TDRD6: variants seen among roughly 807,000 people sequenced by gnomAD.
TDRD6 encodes the protein tudor domain containing 6, also known as tudor domain-containing protein 6.
A neutral mutation model predicts 157.5 loss-of-function variants in TDRD6; 186 were observed. The observed-to-expected ratio is 1.18, with a 90% CI of 1.05 to 1.33. TDRD6 has a LOEUF of 1.33. Ranked by LOEUF, TDRD6 falls within the 40% of genes most tolerant of loss-of-function variation. The pLI, the probability that TDRD6 is intolerant of heterozygous loss-of-function variation, is 0.00. For missense variants in TDRD6, 3,066 were observed against 2,508.0 expected, an observed-to-expected ratio of 1.22 and a Z score of -4.75; for synonymous variants, 1,075 against 945.2, an observed-to-expected ratio of 1.14 and a Z score of -2.52.
chr6:46,689,183 A>AGTT lies in TDRD6; in HGVS notation c.1056_1058dup (p.Leu353dup). 1 of 1,614,078 alleles carries AGTT rather than the reference A, an allele frequency of 6.2e-7. No individual in the cohort carries two copies. The highest frequency in any genetic ancestry group is 2.2e-5 in the East Asian group (1 of 44,874). On this transcript the variant is annotated inframe_insertion, in exon 1 of 4. Transcript: ENST00000316081. The stretch of plus-strand genomic sequence containing the variant: ...CTTCATGTGGACTATGGAAGGAAGG[A>AGTT]GTTAGTGAGTTGCAGCAGCCTTCGG...
rs1562050830 is a variant in TDRD6 at position 46,687,940 on chromosome 6, G to T, written c.-189G>T. 1 of 892,466 alleles carries T rather than the reference G, an allele frequency of 1.1e-6. No homozygotes were observed. The highest frequency in any genetic ancestry group is 1.6e-6 in the Non-Finnish European group (1 of 635,694). 55.3% of individuals were successfully genotyped at this position (892,466 alleles called of 1,614,324 possible). Reference sequence around the variant, plus strand: ...AGGGGCTACCGGGTCTTACCAGTCCGTGGCGGGAGTCCCGGAGGACCCTCG... The same window carrying T: ...AGGGGCTACCGGGTCTTACCAGTCCTTGGCGGGAGTCCCGGAGGACCCTCG... On this transcript the variant is annotated 5_prime_UTR_variant, in exon 1 of 4. Coordinates refer to ENST00000316081, the MANE Select transcript of TDRD6 (RefSeq NM_001010870.3).
At chr6:46,686,531 C>T (rs1467130636), upstream of TDRD6, among the ~76,000 whole-genome samples, 1 of 148,642 alleles carries the variant, frequency 6.7e-6, no homozygotes, top group Admixed American at 6.7e-5. Flanking sequence ...AGTAGGGTCA[C>T]GAGGAAACGA....
chr6:46,693,001 C>T lies in TDRD6; in HGVS notation c.4873C>T (p.Leu1625=). The change falls in exon 1 of 4, where the codon CTG becomes TTG. Residue 1625 remains leucine (L), a synonymous_variant. Coordinates refer to ENST00000316081, the MANE Select transcript of TDRD6 (RefSeq NM_001010870.3). ...ACTCTGGGCCATTCCTTCTGAACTTCTGTCGGTTCCCATGCAAGCCTTTCC... is the reference window on the plus strand; with the variant it reads ...ACTCTGGGCCATTCCTTCTGAACTTTTGTCGGTTCCCATGCAAGCCTTTCC... ...KALWAIPSEL[L]SVPMQAFPCC... is the part of the protein sequence containing the mutation. 4 of 1,612,546 alleles carry T rather than the reference C, an allele frequency of 2.5e-6. No homozygotes were observed. In the South Asian group the frequency reaches 3.3e-5, roughly 13 times the overall value.
chr6:46,689,083 T>A lies in TDRD6; in HGVS notation c.955T>A (p.Ser319Thr). The change falls in exon 1 of 4, where the codon TCC becomes ACC. Residue 319 changes from serine (S) to threonine (T), a missense_variant. By Grantham distance (58) the Ser-to-Thr change is moderately conservative (BLOSUM62 1). Coordinates refer to ENST00000316081, the MANE Select transcript of TDRD6 (RefSeq NM_001010870.3). The stretch of plus-strand genomic sequence containing the variant: ...AGATAAGCCGGGCTCTCCGTGTGCA[T>A]CCTGTGGCCTGGATGGACATTGGTA... ...SPDKPGSPCA[S>T]CGLDGHWYRA... The A allele has an allele frequency of 6.2e-7, 1 of 1,614,178 alleles. No individual in the cohort carries two copies. The highest frequency in any genetic ancestry group is 1.1e-5 in the South Asian group (1 of 91,084).
chr6:46,685,181 AC>A (rs1764062438), upstream of TDRD6, among the ~76,000 whole-genome samples: 1 of 152,144 alleles, frequency 6.6e-6, no homozygotes, highest in African/African-American at 2.4e-5. Context: ...TATTATAGAT[AC>A]AAGTCCTATG....
At position 46,689,162 on chromosome 6, in the gene TDRD6, A is replaced by G. The variant is rs779212629; in HGVS notation, c.1034A>G (p.His345Arg). 5 of 1,614,164 alleles carry G rather than the reference A, an allele frequency of 3.1e-6. No homozygotes were observed. The highest frequency in any genetic ancestry group is 4.2e-6 in the Non-Finnish European group (5 of 1,180,032). The change falls in exon 1 of 4, where the codon CAT becomes CGT. Residue 345 changes from histidine (H) to arginine (R), a missense_variant. Transcript: ENST00000316081. ...FRPQRCAQVL[H>R]VDYGRKELVS... ...CCCCAGCGCTGTGCCCAGGTGCTTC[A>G]TGTGGACTATGGAAGGAAGGAGTTA...
Position 46,694,009 on chromosome 6 carries a change from G to T in TDRD6, c.5881G>T (p.Gly1961Ter). 3.1e-6 allele frequency: 5 copies of T among 1,613,924 alleles called. No homozygotes were observed. The highest frequency in any genetic ancestry group is 4.2e-6 in the Non-Finnish European group (5 of 1,179,982). ...GCGCAGGATGTCATTGCATCTACAT[G>T]GAGCAGATTGTGATCCTAAAACACA... ...DQRRMSLHLH[G>*]ADCDPKTQNE... Residue 1961 changes from glycine to a stop codon, truncating the protein, a stop_gained, in exon 1 of 4, where the codon GGA becomes TGA. Coordinates refer to ENST00000316081, the MANE Select transcript of TDRD6 (RefSeq NM_001010870.3). LOFTEE classifies it high-confidence loss of function.
rs1764693776 is a variant in TDRD6 at position 46,704,058 on chromosome 6, C to T, written c.*2171C>T. ...CTTGTTCTAATTTTTCTTACCGTGACCAAAAGTCAAAGAGAAGAGCTGCCA... is the reference window on the plus strand; with the variant it reads ...CTTGTTCTAATTTTTCTTACCGTGATCAAAAGTCAAAGAGAAGAGCTGCCA... On this transcript the variant is annotated 3_prime_UTR_variant, in exon 4 of 4. Transcript: ENST00000316081. 6.4e-6 allele frequency: 1 copy of T among 156,988 alleles called. No individual in the cohort carries two copies. The highest frequency in any genetic ancestry group is 2.4e-5 in the African/African-American group (1 of 41,514). The allele number at this position is 156,988 out of a possible 1,614,324, so 9.7% of individuals were successfully genotyped here. A position where few individuals can be genotyped will look rare whatever the true frequency, so the allele number is the denominator to read the frequency against.
In TDRD6 at chr6:46,694,146, C is replaced by T. The variant is rs151292412; in HGVS notation, c.6018C>T (p.His2006=). 93 of 1,568,926 alleles carry T rather than the reference C, an allele frequency of 5.9e-5. No homozygotes were observed. The African/African-American group carries it at 1.1e-3, about 18-fold the overall frequency. ...AAGAAAGCAGTGATGGAAGCAAGCA[C>T]AATAATGGTTTACCAGATCATATCT... is the stretch of plus-strand genomic sequence containing the variant. The part of the protein sequence containing the change: ...SEEESSDGSK[H]NNGLPDHISA... Residue 2006 remains histidine, a synonymous_variant, in exon 1 of 4, where the codon CAC becomes CAT. Coordinates refer to ENST00000316081, the MANE Select transcript of TDRD6 (RefSeq NM_001010870.3).
intron 2 of TDRD6, among the ~76,000 whole-genome samples, chr6:46,696,834 A>T (rs183358689): frequency 2.1e-3 from 319 of 150,846 alleles, no homozygotes; most frequent in African/African-American, 7.4e-3. Context: ...GATGGTCTCG[A>T]TCTCCTGACC....
In TDRD6 at chr6:46,691,900, A is replaced by G. The variant is rs767945156; in HGVS notation, c.3772A>G (p.Lys1258Glu). 2.5e-6 allele frequency: 4 copies of G among 1,594,716 alleles called. No individual in the cohort carries two copies. In the East Asian group the frequency reaches 6.7e-5, roughly 27 times the overall value. The change falls in exon 1 of 4, where the codon AAA (lysine) becomes GAA (glutamate). Residue 1258 changes from lysine (K) to glutamate (E), a missense_variant. Transcript: ENST00000316081. ...AGTGTTTCCATTAACAACAGAAAAG[A>G]AAGAAGAAATTTCTGCTGAGACACC... ...SQVFPLTTEK[K>E]EEISAETPLK...
rs1411200718 is a variant in TDRD6, at chr6:46,688,646, T to C, written c.518T>C (p.Val173Ala). 4 of 1,599,310 alleles carry C rather than the reference T, an allele frequency of 2.5e-6. No homozygotes were observed. Among genetic ancestry groups the C allele is most frequent in the African/African-American group, 1.3e-5 (1 of 74,932 alleles). Residue 173 changes from valine to alanine, a missense_variant, in exon 1 of 4, where the codon GTG becomes GCG. Transcript: ENST00000316081. ...GKEVHGCVLD[V>A]LLLHRLVLLE... ...GAGGTGCACGGGTGCGTCCTGGACGTGCTGCTGCTCCATCGCCTGGTCCTC... is the reference window on the plus strand; with the variant it reads ...GAGGTGCACGGGTGCGTCCTGGACGCGCTGCTGCTCCATCGCCTGGTCCTC...
Position 46,703,709 on chromosome 6 carries a change from A to C in TDRD6, c.*1822A>C, listed in dbSNP as rs1270473641. On this transcript the variant is annotated 3_prime_UTR_variant, in exon 4 of 4. Coordinates refer to ENST00000316081, the MANE Select transcript of TDRD6 (RefSeq NM_001010870.3). ...AATCGTGTTATTCTGTTTTACTACT[A>C]CATATAGAATTGAAAACATTAAATA... The C allele has an allele frequency of 6.6e-6, 1 of 152,086 alleles. No individual in the cohort carries two copies. The highest frequency in any genetic ancestry group is 1.5e-5 in the Non-Finnish European group (1 of 67,974). The allele number at this position is 152,086 out of a possible 1,614,324, so 9.4% of individuals were successfully genotyped here.
At position 46,689,816 on chromosome 6, in the gene TDRD6, A is replaced by G; in HGVS notation, c.1688A>G (p.Lys563Arg). 11 of 1,614,212 alleles carry G rather than the reference A, an allele frequency of 6.8e-6. No homozygotes were observed. The highest frequency in any genetic ancestry group is 4.5e-5 in the East Asian group (2 of 44,878). The change falls in exon 1 of 4, where the codon AAG becomes AGG. Residue 563 changes from lysine (K) to arginine (R), a missense_variant. By Grantham distance (26) the Lys-to-Arg change is conservative. Transcript: ENST00000316081. ...YRAIVTKLDDKSVDVFLVDRG... is the reference protein window; with the variant it reads ...YRAIVTKLDDRSVDVFLVDRG... Reference sequence around the variant, plus strand: ...GCCATAGTCACCAAATTGGATGACAAGAGTGTGGATGTATTCTTAGTTGAC... The same window carrying G: ...GCCATAGTCACCAAATTGGATGACAGGAGTGTGGATGTATTCTTAGTTGAC...
chr6:46,687,009 C>G (rs9369630), upstream of TDRD6, among the ~76,000 whole-genome samples: 222 of 152,326 alleles, frequency 1.5e-3, 6 homozygotes, highest in East Asian at 0.038. Context: ...AGGAAAAGTA[C>G]AGGCAGACTA....
At chr6:46,686,388 A>G (rs1307153417), upstream of TDRD6, among the ~76,000 whole-genome samples, 2 of 152,152 alleles carry the variant, frequency 1.3e-5, no homozygotes, top group African/African-American at 4.8e-5. Flanking sequence ...CATCGAGAAC[A>G]TAAAAATAAA....
rs1011647712 is a variant in TDRD6, at chr6:46,688,440, C to T, written c.312C>T (p.Thr104=). 4 of 1,542,604 alleles carry T rather than the reference C, an allele frequency of 2.6e-6. No homozygotes were observed. Among genetic ancestry groups the T allele is most frequent in the South Asian group, 1.2e-5 (1 of 84,178 alleles). The stretch of plus-strand genomic sequence containing the variant: ...TCTTCCTGCTGGACGAGGGCCGCAC[C>T]ATCACGGCCGGAGCAGGCTCGCTGG... ...SRVFLLDEGR[T]ITAGAGSLAP... is the part of the protein sequence containing the mutation. Residue 104 remains threonine (T), a synonymous_variant, in exon 1 of 4, where the codon ACC becomes ACT. Coordinates refer to ENST00000316081, the MANE Select transcript of TDRD6 (RefSeq NM_001010870.3).
rs1764253485 is a variant in TDRD6 at position 46,689,890 on chromosome 6, C to T, written c.1762C>T (p.Pro588Ser). The change falls in exon 1 of 4, where the codon CCT becomes TCT. Residue 588 changes from proline to serine, a missense_variant. By Grantham distance (74) the Pro-to-Ser change is moderately conservative. Transcript: ENST00000316081. ...VDWYDVRMLL[P>S]QFRQLPILAV... The stretch of plus-strand genomic sequence containing the variant: ...CTGGTATGACGTAAGGATGCTGCTT[C>T]CTCAGTTTAGGCAGCTACCAATATT... The T allele has an allele frequency of 1.9e-6, 3 of 1,614,058 alleles. No homozygotes were observed. Among genetic ancestry groups the T allele is most frequent in the Admixed American group, 1.7e-5 (1 of 60,004 alleles).
chr6:46,692,394 A>T lies in TDRD6; in HGVS notation c.4266A>T (p.Gly1422=), dbSNP rs1373642753. 1 of 1,614,106 alleles carries T rather than the reference A, an allele frequency of 6.2e-7. No homozygotes were observed. Among genetic ancestry groups the T allele is most frequent in the East Asian group, 2.2e-5 (1 of 44,872 alleles). ...PGLCIHCSLQ[G]FEVPDNKNSK... ...TGTGCATTCATTGCTCCTTGCAGGG[A>T]TTTGAGGTTCCTGACAATAAAAATT... Residue 1422 remains glycine (G), a synonymous_variant, in exon 1 of 4, where the codon GGA becomes GGT. Transcript: ENST00000316081.
Sources: gnomAD v4.1 joint callset for allele counts (sites outside exome capture counted in the v4.1 genomes callset) on GRCh38, gnomAD v4.1.1 for gene constraint, MANE v1.5 for transcripts, NCBI Gene and HGNC (gene_info 2026-07-23, HGNC 2026-07-21) for gene names.